CAPN1: variants seen among roughly 807,000 people sequenced by gnomAD.
The protein encoded by CAPN1 is calpain-1 catalytic subunit.
In CAPN1, 77 loss-of-function variants were observed where a neutral mutation model predicts 105.2. That is an observed-to-expected ratio of 0.73 (90% CI 0.61 to 0.88). The LOEUF (loss-of-function observed/expected upper bound fraction) is 0.88. CAPN1 is among the 40% of genes least tolerant of loss of function. The pLI is 0.00. For missense variants in CAPN1, 833 were observed against 976.6 expected, an observed-to-expected ratio of 0.85 and a Z score of 1.96; for synonymous variants, 355 against 388.8, an observed-to-expected ratio of 0.91 and a Z score of 1.02.
chr11:65,181,880 A>C (rs980604053), upstream of CAPN1: 1 of 130,026 alleles, frequency 7.7e-6, no homozygotes, highest in Admixed American at 8.5e-5. The surrounding 1 kb of genome is among the most constrained non-coding windows in gnomAD (Gnocchi z 4.6). Context: ...AGAAGGAGAG[A>C]GGGAGGGCGG....
In CAPN1 at chr11:65,210,560, T is replaced by C. The variant is rs1949032843; in HGVS notation, c.2059+108T>C. The C allele has an allele frequency of 1.3e-6, 1 of 773,856 alleles. No homozygotes were observed. Among genetic ancestry groups the C allele is most frequent in the South Asian group, 1.5e-5 (1 of 65,904 alleles). 47.9% of individuals were successfully genotyped at this position (773,856 alleles called of 1,614,324 possible). A position where few individuals can be genotyped will look rare whatever the true frequency, so the allele number is the denominator to read the frequency against. ...AATTAGCAGATACAGGCCAGTGCTG[T>C]GGGTGTGTGCCAGAGAGGCCTGGGT... On this transcript the variant is annotated intron_variant, in intron 20 of 21. Coordinates refer to ENST00000279247, the MANE Select transcript of CAPN1 (RefSeq NM_005186.4). The surrounding 1 kb of genome is among the most constrained non-coding windows in gnomAD (Gnocchi z 4.3).
Position 65,205,598 on chromosome 11 carries a change from C to A in CAPN1, c.1342-112C>A, listed in dbSNP as rs563522386. On this transcript the variant is annotated intron_variant, in intron 11 of 21. Coordinates refer to ENST00000279247, the MANE Select transcript of CAPN1 (RefSeq NM_005186.4). The stretch of plus-strand genomic sequence containing the variant: ...GGGTCCCCAGGGCCCTGCCTTCTGC[C>A]TCCTTATCCCATCAGTCCCGTCTAA... 1,440 of 1,064,360 alleles carry A rather than the reference C, an allele frequency of 1.4e-3. 3 individuals are homozygous for A. The highest frequency in any genetic ancestry group is 1.9e-3 in the Non-Finnish European group (1,310 of 691,244). The allele number at this position is 1,064,360 out of a possible 1,614,324, so 65.9% of individuals were successfully genotyped here.
At chr11:65,190,982 G>A (rs1443354061) in intron 10 of CAPN1, among the ~76,000 whole-genome samples, 1 of 152,146 alleles carries the variant, frequency 6.6e-6, no homozygotes, top group East Asian at 1.9e-4. Flanking sequence ...TGGGATTACA[G>A]GCGTGAGCCA....
intron 10 of CAPN1, among the ~76,000 whole-genome samples, chr11:65,189,850 C>G (rs1228261135): frequency 1.3e-5 from 2 of 152,134 alleles, no homozygotes; most frequent in East Asian, 3.8e-4. Flanking sequence ...GTAACATTTC[C>G]ACTCTCACCT....
Position 65,188,321 on chromosome 11 carries a change from C to A in CAPN1, c.930-93C>A. 8.4e-7 allele frequency: 1 copy of A among 1,186,948 alleles called. No homozygotes were observed. The highest frequency in any genetic ancestry group is 1.2e-6 in the Non-Finnish European group (1 of 830,164). The allele number at this position is 1,186,948 out of a possible 1,614,324, so 73.5% of individuals were successfully genotyped here. A position where few individuals can be genotyped will look rare whatever the true frequency, so the allele number is the denominator to read the frequency against. On this transcript the variant is annotated intron_variant, in intron 8 of 21. Coordinates refer to ENST00000279247, the MANE Select transcript of CAPN1 (RefSeq NM_005186.4). The surrounding 1 kb of genome is among the most constrained non-coding windows in gnomAD (Gnocchi z 5.5). ...CCTTGAGGAGGCCACCTGGGCTGGG[C>A]CGGGGGAAGACAGGCCAGGGTAGAC...
intron 10 of CAPN1, among the ~76,000 whole-genome samples, chr11:65,203,070 C>T (rs1392447893): frequency 6.6e-6 from 1 of 152,156 alleles, no homozygotes; most frequent in Admixed American, 6.5e-5. Flanking sequence ...GAATGTTGTT[C>T]CTCTTTGTTG....
intron 11 of CAPN1, among the ~76,000 whole-genome samples, 175 bp from the exon 12 acceptor site, chr11:65,205,535 C>T (rs2137384921): frequency 6.6e-6 from 1 of 152,220 alleles, no homozygotes; most frequent in East Asian, 1.9e-4. Context: ...CCTGAGCCCT[C>T]CCTCCTGGGG....
At chr11:65,189,448 C>T (rs1187199639) in intron 10 of CAPN1, among the ~76,000 whole-genome samples, 1 of 152,178 alleles carries the variant, frequency 6.6e-6, no homozygotes, top group Non-Finnish European at 1.5e-5. Flanking sequence ...CTTAGCTCAG[C>T]CCCCACCATG....
intron 10 of CAPN1, among the ~76,000 whole-genome samples, chr11:65,201,107 G>C (rs1160188452): frequency 6.6e-6 from 1 of 151,414 alleles, no homozygotes; most frequent in East Asian, 1.9e-4. Flanking sequence ...ACCACGCCCG[G>C]GTAATTTTTT....
At chr11:65,190,167 C>A (rs943549619) in intron 10 of CAPN1, among the ~76,000 whole-genome samples, 1 of 152,194 alleles carries the variant, frequency 6.6e-6, no homozygotes, top group Admixed American at 6.5e-5. Context: ...GCAACCCTCT[C>A]GACCCCACTT....
In CAPN1 at chr11:65,188,599, GACTTC is replaced by G; in HGVS notation, c.1020_1024del (p.Phe341AlafsTer61). On this transcript the variant is annotated frameshift_variant, in exon 10 of 22. Coordinates refer to ENST00000279247, the MANE Select transcript of CAPN1 (RefSeq NM_005186.4). LOFTEE classifies it high-confidence loss of function. This position sits in a 1 kb window ranked among gnomAD's most constrained non-coding sequence, Gnocchi z 5.5. ...CTCCCACCTCAGGATGTCATTCCGA[GACTTC>G]ATGCGGGAGTTCACCCGCCTGGAGA... The G allele has an allele frequency of 6.2e-7, 1 of 1,613,992 alleles. No homozygotes were observed. The highest frequency in any genetic ancestry group is 8.5e-7 in the Non-Finnish European group (1 of 1,179,882).
chr11:65,186,982 C>T (rs1269410808), intron 6 of CAPN1, among the ~76,000 whole-genome samples: 1 of 152,204 alleles, frequency 6.6e-6, no homozygotes, highest in Non-Finnish European at 1.5e-5. Flanking sequence ...CAGCGGAGTG[C>T]CTGGGCTCCC....
In CAPN1 at chr11:65,210,032, G is replaced by T. The variant is rs746482864; in HGVS notation, c.1878G>T (p.Lys626Asn). The T allele has an allele frequency of 6.2e-6, 10 of 1,613,132 alleles. No homozygotes were observed. The East Asian group carries it at 1.6e-4, about 25-fold the overall frequency. The change falls in exon 19 of 22, where the codon AAG (lysine) becomes AAT (asparagine). Residue 626 changes from lysine to asparagine, a missense_variant. By Grantham distance (94) the Lys-to-Asn change is moderately conservative. Transcript: ENST00000279247. This position sits in a 1 kb window ranked among gnomAD's most constrained non-coding sequence, Gnocchi z 4.3. ...CGCCACCTCAGTCCATCTTCCGGAA[G>T]TTTGACCTGGACAAGTCGGGCAGCA... is the stretch of plus-strand genomic sequence containing the variant. The part of the protein sequence containing the change: ...RIRNYLSIFR[K>N]FDLDKSGSMS...
rs1304913802 is a variant in CAPN1 at position 65,209,560 on chromosome 11, G to A, written c.1794+173G>A. The A allele has an allele frequency of 4.0e-5, 27 of 676,410 alleles. No homozygotes were observed. The highest frequency in any genetic ancestry group is 5.6e-5 in the Non-Finnish European group (21 of 377,822). 41.9% of individuals were successfully genotyped at this position (676,410 alleles called of 1,614,324 possible). ...ACGTCTTCCTGTTGGTTGGGAGGGA[G>A]AAACTGAGGCACAGACCTGTGTCAA... is the stretch of plus-strand genomic sequence containing the variant. On this transcript the variant is annotated intron_variant, in intron 17 of 21. Transcript: ENST00000279247. The surrounding 1 kb of genome is among the most constrained non-coding windows in gnomAD (Gnocchi z 4.1).
intron 10 of CAPN1, among the ~76,000 whole-genome samples, chr11:65,191,018 CCT>C (rs1259806351): frequency 2.0e-5 from 3 of 152,108 alleles, no homozygotes; most frequent in African/African-American, 7.2e-5. Flanking sequence ...CTGTTCTTGA[CCT>C]CTGTTTTTCC....
In CAPN1 at chr11:65,205,284, C is replaced by T. The variant is rs1948939471; in HGVS notation, c.1341+426C>T. ...GCCAGTCGCTCTGGGATTAGAACTCCTTGCTCTTGCCCTGTATCTGCCCTG... is the reference window on the plus strand; with the variant it reads ...GCCAGTCGCTCTGGGATTAGAACTCTTTGCTCTTGCCCTGTATCTGCCCTG... On this transcript the variant is annotated intron_variant, in intron 11 of 21. Transcript: ENST00000279247. Among the ~76,000 whole-genome samples the T allele has an allele frequency of 1.3e-5, 2 of 152,174 alleles. 1 individual carries two copies. Among genetic ancestry groups the T allele is most frequent in the African/African-American group, 4.8e-5 (2 of 41,444 alleles).
chr11:65,183,809 G>A, intron 4 of CAPN1: 2 of 561,236 alleles, frequency 3.6e-6, no homozygotes, highest in South Asian at 4.2e-5. Context: ...TATGTATCAG[G>A]TGGAAAGTGC....
At position 65,206,663 on chromosome 11, in the gene CAPN1, T is replaced by C. The variant is rs1270735128; in HGVS notation, c.1554T>C (p.Ser518=). The change falls in exon 13 of 22, where the codon AGT becomes AGC. Residue 518 remains serine, a synonymous_variant. Coordinates refer to ENST00000279247, the MANE Select transcript of CAPN1 (RefSeq NM_005186.4). Reference sequence around the variant, plus strand: ...TGCTGCGCTTCTTCTCAGAGAAGAGTGCTGGGACTGTGTGAGTCATGGACT... The same window carrying C: ...TGCTGCGCTTCTTCTCAGAGAAGAGCGCTGGGACTGTGTGAGTCATGGACT... ...DFVLRFFSEK[S]AGTVELDDQI... 5.6e-6 allele frequency: 9 copies of C among 1,613,062 alleles called. No individual in the cohort carries two copies. The East Asian group carries it at 1.3e-4, about 24-fold the overall frequency.
chr11:65,204,815 G>T lies in CAPN1; in HGVS notation c.1298G>T (p.Arg433Leu). The stretch of plus-strand genomic sequence containing the variant: ...CAGAAGCACCGTCGCCGCGAGCGCC[G>T]CTTCGGCCGCGACATGGAGACTATT... ...LMQKHRRRER[R>L]FGRDMETIGF... Residue 433 changes from arginine to leucine, a missense_variant, in exon 11 of 22, where the codon CGC becomes CTC. Arg to Leu is a moderately radical substitution (Grantham distance 102, BLOSUM62 -2). Coordinates refer to ENST00000279247, the MANE Select transcript of CAPN1 (RefSeq NM_005186.4). 6.2e-7 allele frequency: 1 copy of T among 1,612,184 alleles called. No individual in the cohort carries two copies. Among genetic ancestry groups the T allele is most frequent in the Non-Finnish European group, 8.5e-7 (1 of 1,179,272 alleles).
Sources: gnomAD v4.1 joint callset for allele counts (sites outside exome capture counted in the v4.1 genomes callset) on GRCh38, gnomAD v4.1.1 for gene constraint, Gnocchi (gnomAD v3.1) non-coding constraint, MANE v1.5 for transcripts, NCBI Gene and HGNC (gene_info 2026-07-23, HGNC 2026-07-21) for gene names.